The following LHFPL6 variants were observed in gnomAD, a reference collection of about 807,000 sequenced individuals.
The protein encoded by LHFPL6 is LHFPL tetraspan subfamily member 6.
Under a neutral mutation model 20.6 loss-of-function variants are expected in LHFPL6, and 9 were observed. The observed-to-expected ratio is 0.44, with a 90% CI of 0.26 to 0.76. The LOEUF (loss-of-function observed/expected upper bound fraction) is 0.76. Among genes scored for constraint, LHFPL6 ranks in the 30% least tolerant of loss-of-function variants. LHFPL6 has a pLI of 0.20. For synonymous variants in LHFPL6, 105 were observed against 98.7 expected (o/e 1.06, Z -0.38); for missense variants, 218 against 253.5 (o/e 0.86, Z 0.95).
At chr13:39,405,489 T>C (rs968869748) in intron 2 of LHFPL6, among the ~76,000 whole-genome samples, 28 of 152,230 alleles carry the variant, frequency 1.8e-4, no homozygotes, top group Admixed American at 2.0e-4. Context: ...GATTGGTTTA[T>C]GTGCTCTAAA....
At position 39,410,918 on chromosome 13, in the gene LHFPL6, G is replaced by A. The variant is rs182098857; in HGVS notation, c.386-32392C>T. 1.1e-4 allele frequency among the ~76,000 whole-genome samples: 17 copies of A among 152,168 alleles called. No homozygotes were observed. The East Asian group carries it at 2.1e-3, about 19-fold the overall frequency. On this transcript the variant is annotated intron_variant, in intron 2 of 3. Transcript: ENST00000379589. ...CTGATCACACAACTGCTTGGCTTAC[G>A]GACAACATTCCATATTTCAAGCAAT...
At chr13:39,576,955 T>C (rs974677031) in intron 2 of LHFPL6, among the ~76,000 whole-genome samples, 12 of 152,208 alleles carry the variant, frequency 7.9e-5, no homozygotes, top group Non-Finnish European at 1.2e-4. Context: ...ATTATTCTAT[T>C]ACCCTTACCT....
intron 3 of LHFPL6, among the ~76,000 whole-genome samples, chr13:39,352,821 T>A (rs1234344281): frequency 9.7e-6 from 1 of 103,374 alleles, no homozygotes; most frequent in Non-Finnish European, 1.9e-5. Context: ...GGGAAAACAT[T>A]TATATATATA....
intron 2 of LHFPL6, among the ~76,000 whole-genome samples, chr13:39,427,933 G>A (rs1046338359): frequency 5.9e-5 from 9 of 152,136 alleles, no homozygotes; most frequent in East Asian, 5.8e-4. Context: ...GCACCTTCCC[G>A]CTCTCTCTTC....
At chr13:39,368,004 C>T (rs997470371) in intron 3 of LHFPL6, among the ~76,000 whole-genome samples, 5 of 152,142 alleles carry the variant, frequency 3.3e-5, no homozygotes, top group Admixed American at 1.3e-4. Context: ...AACTACTAGC[C>T]AGAACATATA....
intron 2 of LHFPL6, among the ~76,000 whole-genome samples, chr13:39,493,189 C>A (rs1868985421): frequency 1.3e-5 from 2 of 150,584 alleles, no homozygotes. Context: ...AGAAAATAGG[C>A]CAGGCACAGT....
intron 2 of LHFPL6, among the ~76,000 whole-genome samples, chr13:39,544,723 G>A (rs545818014): frequency 6.6e-6 from 1 of 152,182 alleles, no homozygotes; most frequent in African/African-American, 2.4e-5. Flanking sequence ...TCTGGTAAAA[G>A]TAGACATACT....
chr13:39,474,966 G>T (rs748435611), intron 2 of LHFPL6, among the ~76,000 whole-genome samples: 1 of 152,212 alleles, frequency 6.6e-6, no homozygotes, highest in Non-Finnish European at 1.5e-5. Context: ...TCACATTTTA[G>T]ATTGAACTTT....
At chr13:39,399,075 G>A (rs1406759606) in intron 2 of LHFPL6, among the ~76,000 whole-genome samples, 2 of 152,146 alleles carry the variant, frequency 1.3e-5, no homozygotes, top group African/African-American at 4.8e-5. Flanking sequence ...TGCCTTCCTA[G>A]TGCCACTGAT....
chr13:39,541,983 C>G (rs1455108885), intron 2 of LHFPL6, among the ~76,000 whole-genome samples: 4 of 151,606 alleles, frequency 2.6e-5, no homozygotes, highest in Non-Finnish European at 4.4e-5. Flanking sequence ...CCCAGCTACT[C>G]GGGAGGCTGA....
At chr13:39,570,710 T>A (rs1416282335) in intron 2 of LHFPL6, among the ~76,000 whole-genome samples, 1 of 152,100 alleles carries the variant, frequency 6.6e-6, no homozygotes, top group Non-Finnish European at 1.5e-5. Context: ...ATAAAATAGT[T>A]GTACTTTAAG....
At chr13:39,496,506 G>C (rs182518161) in intron 2 of LHFPL6, among the ~76,000 whole-genome samples, 43 of 152,144 alleles carry the variant, frequency 2.8e-4, no homozygotes, top group Non-Finnish European at 5.7e-4. Context: ...CCTAAAGAAG[G>C]CTCTTTCAAA....
chr13:39,517,777 C>G (rs995297336), intron 2 of LHFPL6, among the ~76,000 whole-genome samples: 1 of 152,196 alleles, frequency 6.6e-6, no homozygotes, highest in Admixed American at 6.5e-5. Flanking sequence ...ATCCTTTTGC[C>G]TCAGCCTCCC....
intron 3 of LHFPL6, among the ~76,000 whole-genome samples, chr13:39,359,154 C>T (rs1869811140): frequency 1.3e-5 from 2 of 152,154 alleles, no homozygotes; most frequent in South Asian, 4.1e-4. Flanking sequence ...GAGTGAGACT[C>T]TGTCTCCAAA....
chr13:39,598,847 G>A (rs906474388), intron 2 of LHFPL6, among the ~76,000 whole-genome samples: 6 of 152,004 alleles, frequency 3.9e-5, no homozygotes, highest in African/African-American at 1.4e-4. Flanking sequence ...GTGAGCCACC[G>A]CACCCGGCCA....
At chr13:39,460,470 C>T (rs1213468933) in intron 2 of LHFPL6, among the ~76,000 whole-genome samples, 2 of 152,202 alleles carry the variant, frequency 1.3e-5, no homozygotes, top group Non-Finnish European at 2.9e-5. Flanking sequence ...ACAACCCAAA[C>T]AAGCAGCTGG....
rs562518357 is a variant in LHFPL6 at position 39,380,597 on chromosome 13, G to A, written c.386-2071C>T. On this transcript the variant is annotated intron_variant, in intron 2 of 3. Transcript: ENST00000379589. ...GCAATCTAAGCTCACTGCAACCTCT[G>A]CCTCCCCATCTCTGCCTCCTGAGTA... 2.2e-3 allele frequency among the ~76,000 whole-genome samples: 332 copies of A among 149,676 alleles called. 1 individual carries two copies. Among genetic ancestry groups the A allele is most frequent in the Non-Finnish European group, 3.1e-3 (208 of 67,738 alleles).
intron 2 of LHFPL6, among the ~76,000 whole-genome samples, chr13:39,591,006 A>G (rs1872574943): frequency 6.6e-6 from 1 of 152,236 alleles, no homozygotes; most frequent in African/African-American, 2.4e-5. Context: ...CCTAAAGTAA[A>G]TGGAGAACTG....
chr13:39,494,184 T>C (rs1869022881), intron 2 of LHFPL6, among the ~76,000 whole-genome samples: 1 of 152,210 alleles, frequency 6.6e-6, no homozygotes. Context: ...CAATTACCCC[T>C]GTGAAAAGGC....
Sources: gnomAD v4.1 joint callset for allele counts (sites outside exome capture counted in the v4.1 genomes callset) on GRCh38, gnomAD v4.1.1 for gene constraint, MANE v1.5 for transcripts, NCBI Gene and HGNC (gene_info 2026-07-23, HGNC 2026-07-21) for gene names.